Variants in FOXK1 observed in about 807,000 individuals in gnomAD.
FOXK1 encodes forkhead box protein K1.
FOXK1 carries 19 observed loss-of-function variants against 51.9 expected under a neutral mutation model. That is an observed-to-expected ratio of 0.37 (90% CI 0.26 to 0.54). The LOEUF is 0.54. Ranked by LOEUF, FOXK1 falls within the 20% of genes least tolerant of loss-of-function variation. The probability of loss-of-function intolerance (pLI) is 0.87; values close to 1 mark genes in which losing one functional copy is unlikely to be tolerated. For missense variants in FOXK1, 870 were observed against 1,032.7 expected, an observed-to-expected ratio of 0.84 and a Z score of 2.16; for synonymous variants, 537 against 482.6, an observed-to-expected ratio of 1.11 and a Z score of -1.48.
intron 1 of FOXK1, among the ~76,000 whole-genome samples, chr7:4,710,297 G>A (rs1454844423): frequency 6.6e-6 from 1 of 152,240 alleles, no homozygotes; most frequent in African/African-American, 2.4e-5. Flanking sequence ...TGTAATCCCA[G>A]CACCTTGGGA....
rs759529002 is a variant in FOXK1 at position 4,759,033 on chromosome 7, C to A, written c.1245-18C>A. 3 of 1,574,526 alleles carry A rather than the reference C, an allele frequency of 1.9e-6. No individual in the cohort carries two copies. Among genetic ancestry groups the A allele is most frequent in the Non-Finnish European group, 2.6e-6 (3 of 1,165,190 alleles). ...TCAGCGCGGGCGCTGACTGCCGCGG[C>A]CCTTGCCTGTCTTCCAGGAGCGCTC... On this transcript the variant is annotated intron_variant, in intron 5 of 8. Coordinates refer to ENST00000328914, the MANE Select transcript of FOXK1 (RefSeq NM_001037165.2).
intron 1 of FOXK1, among the ~76,000 whole-genome samples, chr7:4,716,023 G>A (rs547354675): frequency 6.6e-5 from 10 of 152,128 alleles, no homozygotes; most frequent in African/African-American, 2.4e-4. Context: ...CTTGAGGTAA[G>A]GAGTTCAAGA....
Position 4,758,454 on chromosome 7 carries a change from C to T in FOXK1, c.1245-597C>T, listed in dbSNP as rs1317057005. On this transcript the variant is annotated intron_variant, in intron 5 of 8. Transcript: ENST00000328914. The surrounding 1 kb of genome is among the most constrained non-coding windows in gnomAD (Gnocchi z 4.4). Reference sequence around the variant, plus strand: ...GGAAATCCTTCCCCGTGGAAGGACACGTTAACCTCTCGTGCTTCCCATTTC... The same window carrying T: ...GGAAATCCTTCCCCGTGGAAGGACATGTTAACCTCTCGTGCTTCCCATTTC... 6.6e-6 allele frequency: 1 copy of T among 152,468 alleles called. No homozygotes were observed. The highest frequency in any genetic ancestry group is 2.4e-5 in the African/African-American group (1 of 41,466). 9.4% of individuals were successfully genotyped at this position (152,468 alleles called of 1,614,324 possible). A position where few individuals can be genotyped will look rare whatever the true frequency, so the allele number is the denominator to read the frequency against.
At chr7:4,751,149 G>C (rs1780770219) in intron 2 of FOXK1, among the ~76,000 whole-genome samples, 1 of 151,462 alleles carries the variant, frequency 6.6e-6, no homozygotes, top group African/African-American at 2.4e-5. Flanking sequence ...AGAGTAGCTG[G>C]TACTACAGGC....
intron 3 of FOXK1, chr7:4,754,834 C>T (rs758584115): frequency 2.0e-5 from 13 of 652,290 alleles, no homozygotes; most frequent in African/African-American, 7.3e-5. Context: ...ACAGGGGTGG[C>T]GCCGTCACCG....
Position 4,762,389 on chromosome 7 carries a change from G to C in FOXK1, c.2127G>C (p.Glu709Asp). ...AGGTCAAAAGGTCCCGGGTGGAGGAGCCCAGTGGTGCTGTAACCACACCGG... is the reference window on the plus strand; with the variant it reads ...AGGTCAAAAGGTCCCGGGTGGAGGACCCCAGTGGTGCTGTAACCACACCGG... The part of the protein sequence containing the change: ...EPEVKRSRVE[E>D]PSGAVTTPAG... The change falls in exon 9 of 9, where the codon GAG becomes GAC. Residue 709 changes from glutamate (E) to aspartate (D), a missense_variant. Physicochemically the swap from Glu to Asp is conservative, Grantham distance 45 (BLOSUM62 2). Around this residue, in one of 3 missense-constraint regions of FOXK1, gnomAD observed 457 missense variants for 510.8 expected, o/e 0.89. Coordinates refer to ENST00000328914, the MANE Select transcript of FOXK1 (RefSeq NM_001037165.2). The surrounding 1 kb of genome is among the most constrained non-coding windows in gnomAD (Gnocchi z 5.7). 6.5e-7 allele frequency: 1 copy of C among 1,549,990 alleles called. No individual in the cohort carries two copies. The highest frequency in any genetic ancestry group is 2.0e-5 in the Admixed American group (1 of 51,142).
In FOXK1 at chr7:4,718,896, G is replaced by A. The variant is rs186949419; in HGVS notation, c.561-21942G>A. Among the ~76,000 whole-genome samples the A allele has an allele frequency of 1.1e-4, 17 of 152,078 alleles. No homozygotes were observed. The East Asian group carries it at 3.1e-3, about 28-fold the overall frequency. On this transcript the variant is annotated intron_variant, in intron 1 of 8. Transcript: ENST00000328914. ...ACAATCTCGGCTCCCCACAGCCTCC[G>A]CCTCCGGGGTTCAAGCGATTCTCCT...
intron 1 of FOXK1, among the ~76,000 whole-genome samples, chr7:4,718,378 GA>G (rs1780265314): frequency 6.6e-6 from 1 of 152,242 alleles, no homozygotes; most frequent in African/African-American, 2.4e-5. Context: ...GAAGGTTTCA[GA>G]AGCGGGCTCG....
intron 1 of FOXK1, among the ~76,000 whole-genome samples, chr7:4,732,977 G>A (rs1453895199): frequency 1.3e-5 from 2 of 152,308 alleles, no homozygotes; most frequent in East Asian, 1.9e-4. Context: ...TGGGTAAGAC[G>A]ACATTCCTGT....
At chr7:4,686,494 G>A (rs1779820591) in intron 1 of FOXK1, among the ~76,000 whole-genome samples, 2 of 152,172 alleles carry the variant, frequency 1.3e-5, no homozygotes, top group South Asian at 4.1e-4. Context: ...GTGACACTAC[G>A]CCTGGTGGGT....
intron 1 of FOXK1, among the ~76,000 whole-genome samples, chr7:4,688,857 G>C (rs2115028288): frequency 6.6e-6 from 1 of 152,144 alleles, no homozygotes; most frequent in South Asian, 2.1e-4. Context: ...TTTTTTGCCA[G>C]AACTGCCTTC....
In FOXK1 at chr7:4,711,255, T is replaced by C. The variant is rs1252400733; in HGVS notation, c.560+28387T>C. Reference sequence around the variant, plus strand: ...CTGGGTCCCGACACCTGGGGGTGTTTTCACAGGGTGGGAAGGCTGAGTGTC... The same window carrying C: ...CTGGGTCCCGACACCTGGGGGTGTTCTCACAGGGTGGGAAGGCTGAGTGTC... On this transcript the variant is annotated intron_variant, in intron 1 of 8. Transcript: ENST00000328914. The surrounding 1 kb of genome is among the most constrained non-coding windows in gnomAD (Gnocchi z 6.3). 2.0e-5 allele frequency among the ~76,000 whole-genome samples: 3 copies of C among 152,132 alleles called. No homozygotes were observed. Among genetic ancestry groups the C allele is most frequent in the Admixed American group, 1.3e-4 (2 of 15,278 alleles).
chr7:4,749,488 G>A lies in FOXK1; in HGVS notation c.747-4971G>A, dbSNP rs750877125. Among the ~76,000 whole-genome samples, 9 of 152,188 alleles carry A rather than the reference G, an allele frequency of 5.9e-5. No homozygotes were observed. Among genetic ancestry groups the A allele is most frequent in the African/African-American group, 4.8e-5 (2 of 41,444 alleles). ...GTTCCCCCAGGAGGCTTCAGGTGCC[G>A]CCTTGGGACGCAAAGGTCATCGCAG... On this transcript the variant is annotated intron_variant, in intron 2 of 8. Coordinates refer to ENST00000328914, the MANE Select transcript of FOXK1 (RefSeq NM_001037165.2). The surrounding 1 kb of genome is among the most constrained non-coding windows in gnomAD (Gnocchi z 6.0).
rs1384231585 is a variant in FOXK1, at chr7:4,759,462, C to A, written c.1563C>A (p.Thr521=). The part of the protein sequence containing the change: ...HAIHVVQQAP[T]VTMVRVVTTS... The stretch of plus-strand genomic sequence containing the variant: ...TCCACGTCGTGCAGCAGGCCCCCAC[C>A]GTCACCATGGTCAGGGTGGTCACCA... Residue 521 remains threonine (T), a synonymous_variant, in exon 7 of 9, where the codon ACC becomes ACA. Transcript: ENST00000328914. 6.3e-6 allele frequency: 10 copies of A among 1,591,146 alleles called. No individual in the cohort carries two copies. The South Asian group carries it at 1.0e-4, about 16-fold the overall frequency.
chr7:4,716,254 A>G (rs549580949), intron 1 of FOXK1, among the ~76,000 whole-genome samples: 2 of 152,094 alleles, frequency 1.3e-5, no homozygotes, highest in East Asian at 3.9e-4. Context: ...AGAAAGAAAG[A>G]AATACAGACT....
chr7:4,766,864 C>T lies in FOXK1; in HGVS notation c.*4400C>T, dbSNP rs1781018599. The T allele has an allele frequency of 6.6e-6, 1 of 152,042 alleles. No individual in the cohort carries two copies. The highest frequency in any genetic ancestry group is 1.5e-5 in the Non-Finnish European group (1 of 68,048). 9.4% of individuals were successfully genotyped at this position (152,042 alleles called of 1,614,324 possible). On this transcript the variant is annotated 3_prime_UTR_variant, in exon 9 of 9. Coordinates refer to ENST00000328914, the MANE Select transcript of FOXK1 (RefSeq NM_001037165.2). The surrounding 1 kb of genome is among the most constrained non-coding windows in gnomAD (Gnocchi z 5.5). The stretch of plus-strand genomic sequence containing the variant: ...CTCCAGAAAGCCCCGGGTGAGGGCT[C>T]CGTCTTGAGAGAGAGAGAAATCCCT...
intron 1 of FOXK1, among the ~76,000 whole-genome samples, chr7:4,688,377 G>GT (rs1485110591): frequency 6.7e-6 from 1 of 150,302 alleles, no homozygotes; most frequent in Non-Finnish European, 1.5e-5. Context: ...CGGCATGGTT[G>GT]TTTTTTCTTT....
chr7:4,728,625 G>A (rs1464528689), intron 1 of FOXK1, among the ~76,000 whole-genome samples: 1 of 149,738 alleles, frequency 6.7e-6, no homozygotes, highest in Non-Finnish European at 1.5e-5. Flanking sequence ...GCGTGGTGGT[G>A]CAAGCCTATA....
rs141139548 is a variant in FOXK1, at chr7:4,697,145, G to A, written c.560+14277G>A. Among the ~76,000 whole-genome samples, 495 of 152,306 alleles carry A rather than the reference G, an allele frequency of 3.3e-3. 1 individual carries two copies. Among genetic ancestry groups the A allele is most frequent in the African/African-American group, 0.012 (484 of 41,562 alleles). On this transcript the variant is annotated intron_variant, in intron 1 of 8. Coordinates refer to ENST00000328914, the MANE Select transcript of FOXK1 (RefSeq NM_001037165.2). ...GGCTGGCACTGTCTGGAGTCCAGCGGCCTGGGCACGGCTGCACCTGCTGCA... is the reference window on the plus strand; with the variant it reads ...GGCTGGCACTGTCTGGAGTCCAGCGACCTGGGCACGGCTGCACCTGCTGCA...
Sources: allele counts gnomAD v4.1 joint callset (sites outside exome capture counted in the v4.1 genomes callset), GRCh38; gene constraint gnomAD v4.1.1; regional missense constraint gnomAD v4.1.1; non-coding constraint Gnocchi (gnomAD v3.1); transcripts MANE v1.5; gene names NCBI Gene and HGNC (gene_info 2026-07-23, HGNC 2026-07-21).